FHIP1A: variants seen among roughly 807,000 people sequenced by gnomAD.
FHIP1A encodes the protein FHF complex subunit HOOK-interacting protein 1A.
In FHIP1A, 61 loss-of-function variants were observed where a neutral mutation model predicts 88.6. The ratio of observed to expected loss-of-function variants is 0.69; its 90% CI spans 0.56 to 0.85. FHIP1A has a LOEUF of 0.85. FHIP1A is among the 40% of genes least tolerant of loss of function. The pLI, the probability that FHIP1A is intolerant of heterozygous loss-of-function variation, is 0.00. For synonymous variants in FHIP1A, 478 were observed against 496.0 expected, an observed-to-expected ratio of 0.96 and a Z score of 0.48; for missense variants, 1,154 against 1,273.5, an observed-to-expected ratio of 0.91 and a Z score of 1.43.
intron 3 of FHIP1A, among the ~76,000 whole-genome samples, chr4:151,531,034 G>T (rs1263723136): frequency 6.6e-6 from 1 of 151,972 alleles, no homozygotes; most frequent in Admixed American, 6.6e-5. Flanking sequence ...CTTAATGCAT[G>T]GTCTTTTTGT....
At chr4:151,629,645 C>T (rs527800130) in intron 7 of FHIP1A, 57 bp from the exon 8 acceptor site, 7 of 1,482,478 alleles carry the variant, frequency 4.7e-6, no homozygotes, top group South Asian at 2.5e-5. Context: ...ACGGGAGAGG[C>T]GTGTATCACA....
intron 10 of FHIP1A, among the ~76,000 whole-genome samples, chr4:151,648,454 C>A (rs535714634): frequency 6.6e-6 from 1 of 152,126 alleles, no homozygotes; most frequent in South Asian, 2.1e-4. Context: ...CCCTAATGCC[C>A]TGGAAATGGG....
chr4:151,467,684 A>G (rs917472616), intron 2 of FHIP1A, among the ~76,000 whole-genome samples: 2 of 152,222 alleles, frequency 1.3e-5, no homozygotes, highest in African/African-American at 2.4e-5. Flanking sequence ...TTGCAGGGAC[A>G]TGGATGAAGC....
chr4:151,656,430 A>T lies in FHIP1A; in HGVS notation c.2730+20A>T. The stretch of plus-strand genomic sequence containing the variant: ...TATCAGGTATGTTAGCTGAACCCAC[A>T]TCCACACCTGTTGATTTTGTGGGTG... On this transcript the variant is annotated intron_variant, in intron 12 of 13. Coordinates refer to ENST00000435205, the MANE Select transcript of FHIP1A (RefSeq NM_001109977.3). This position sits in a 1 kb window ranked among gnomAD's most constrained non-coding sequence, Gnocchi z 4.2. 1 of 1,547,200 alleles carries T rather than the reference A, an allele frequency of 6.5e-7. No homozygotes were observed.
chr4:151,650,268 G>A lies in FHIP1A; in HGVS notation c.2227G>A (p.Ala743Thr). The stretch of plus-strand genomic sequence containing the variant: ...GGCAGAGCACAGCTCTAACCTGACA[G>A]CCGCCCACCCGGAGAGCGAGGAGCT... ...PEAEHSSNLT[A>T]AHPESEELIA... Residue 743 changes from alanine (A) to threonine (T), a missense_variant, in exon 11 of 14, where the codon GCC (alanine) becomes ACC (threonine). Coordinates refer to ENST00000435205, the MANE Select transcript of FHIP1A (RefSeq NM_001109977.3). 1 of 1,551,734 alleles carries A rather than the reference G, an allele frequency of 6.4e-7. No homozygotes were observed. Among genetic ancestry groups the A allele is most frequent in the South Asian group, 1.2e-5 (1 of 84,060 alleles).
intron 9 of FHIP1A, among the ~76,000 whole-genome samples, chr4:151,639,165 A>G (rs1336393687): frequency 6.6e-6 from 1 of 152,232 alleles, no homozygotes; most frequent in South Asian, 2.1e-4. Flanking sequence ...TATAATTTCT[A>G]TGATTTTTGC....
intron 3 of FHIP1A, among the ~76,000 whole-genome samples, chr4:151,497,585 G>A (rs1309642067): frequency 6.6e-6 from 1 of 152,174 alleles, no homozygotes; most frequent in Non-Finnish European, 1.5e-5. Context: ...TGCCTCCAGA[G>A]GATATTTAGC....
At chr4:151,415,002 T>G (rs1403149138) in intron 1 of FHIP1A, among the ~76,000 whole-genome samples, 1 of 152,170 alleles carries the variant, frequency 6.6e-6, no homozygotes, top group African/African-American at 2.4e-5. Flanking sequence ...TTAAAAATGT[T>G]TATTATTAAC....
At chr4:151,619,499 G>T (rs1051210853) in intron 7 of FHIP1A, among the ~76,000 whole-genome samples, 6 of 152,256 alleles carry the variant, frequency 3.9e-5, no homozygotes, top group African/African-American at 9.6e-5. Context: ...GTGAGTACTA[G>T]ATATTATTGT....
At chr4:151,536,333 CAA>C (rs1235042030) in intron 3 of FHIP1A, among the ~76,000 whole-genome samples, 2 of 152,152 alleles carry the variant, frequency 1.3e-5, no homozygotes, top group African/African-American at 2.4e-5. Flanking sequence ...TTACATTCTA[CAA>C]AGTTTGCCAT....
rs1737577121 is a variant in FHIP1A at position 151,664,153 on chromosome 4, G to A, written c.*1399G>A. Among the ~76,000 whole-genome samples the A allele has an allele frequency of 6.6e-6, 1 of 152,218 alleles. No individual in the cohort carries two copies. Among genetic ancestry groups the A allele is most frequent in the African/African-American group, 2.4e-5 (1 of 41,452 alleles). On this transcript the variant is annotated 3_prime_UTR_variant, in exon 14 of 14. Transcript: ENST00000435205. ...GAGCTTGAGCCTGCCTGTTTGGAAG[G>A]AAATTGGAAGGTTTGTCTCTCTCTG...
intron 7 of FHIP1A, among the ~76,000 whole-genome samples, chr4:151,621,813 T>A (rs1237001453): frequency 6.6e-6 from 1 of 151,596 alleles, no homozygotes; most frequent in African/African-American, 2.4e-5. Flanking sequence ...TTTTTTCCAG[T>A]GGATCACTTT....
chr4:151,533,373 C>T (rs1355720222), intron 3 of FHIP1A, among the ~76,000 whole-genome samples: 1 of 151,908 alleles, frequency 6.6e-6, no homozygotes, highest in Non-Finnish European at 1.5e-5. Flanking sequence ...TGTGATTGTG[C>T]CACTACACTC....
At chr4:151,554,484 A>G (rs941192830) in intron 3 of FHIP1A, among the ~76,000 whole-genome samples, 3 of 152,316 alleles carry the variant, frequency 2.0e-5, no homozygotes, top group South Asian at 4.1e-4. Context: ...CTACATCACC[A>G]TAGGGAGATG....
chr4:151,632,919 A>G (rs1238878871), intron 8 of FHIP1A, among the ~76,000 whole-genome samples: 6 of 152,002 alleles, frequency 3.9e-5, no homozygotes, highest in Non-Finnish European at 7.4e-5. Context: ...CAGGAACTAG[A>G]CAAAGAAGAA....
intron 3 of FHIP1A, among the ~76,000 whole-genome samples, chr4:151,507,130 C>A (rs959234214): frequency 2.6e-5 from 4 of 152,168 alleles, no homozygotes; most frequent in South Asian, 2.1e-4. Context: ...CCTGCCCCCC[C>A]ACTTTTTTTT....
chr4:151,557,453 G>C (rs1732994500), intron 3 of FHIP1A, among the ~76,000 whole-genome samples: 1 of 152,146 alleles, frequency 6.6e-6, no homozygotes, highest in Non-Finnish European at 1.5e-5. Flanking sequence ...AAAAGACATT[G>C]ATACACACAT....
intron 9 of FHIP1A, among the ~76,000 whole-genome samples, chr4:151,646,123 C>G (rs949257774): frequency 6.6e-6 from 1 of 152,076 alleles, no homozygotes; most frequent in East Asian, 1.9e-4. Context: ...AATTGTGATA[C>G]AAGATAATAT....
chr4:151,453,023 T>G (rs547071081), intron 1 of FHIP1A, among the ~76,000 whole-genome samples: 1 of 151,650 alleles, frequency 6.6e-6, no homozygotes, highest in Admixed American at 6.6e-5. Context: ...TGGACATAGT[T>G]GTTTTTTTTT....
Sources: gnomAD v4.1 joint callset for allele counts (sites outside exome capture counted in the v4.1 genomes callset) on GRCh38, gnomAD v4.1.1 for gene constraint, Gnocchi (gnomAD v3.1) non-coding constraint, MANE v1.5 for transcripts, NCBI Gene and HGNC (gene_info 2026-07-23, HGNC 2026-07-21) for gene names.